The following SELENOO variants were observed in gnomAD, a reference collection of about 807,000 sequenced individuals.
SELENOO encodes selenoprotein O.
SELENOO carries 74 observed loss-of-function variants against 58.7 expected under a neutral mutation model. That is an observed-to-expected ratio of 1.26 (90% CI 1.04 to 1.53). The LOEUF (loss-of-function observed/expected upper bound fraction) is 1.53, where lower values mean the gene tolerates loss of function less well. Among genes scored for constraint, SELENOO ranks in the 40% most tolerant of loss-of-function variants. SELENOO has a pLI of 0.00. For synonymous variants in SELENOO, 543 were observed against 453.2 expected (o/e 1.20, Z -2.52); for missense variants, 1,149 against 970.0 (o/e 1.18, Z -2.45).
At chr22:50,215,189 G>C (rs566969267) in intron 5 of SELENOO, among the ~76,000 whole-genome samples, 48 of 152,312 alleles carry the variant, frequency 3.2e-4, no homozygotes, top group African/African-American at 1.1e-3. Context: ...TTTTGCAGGC[G>C]GGTTACAGCA....
chr22:50,215,488 T>G (rs2064399259), intron 5 of SELENOO, among the ~76,000 whole-genome samples: 1 of 150,804 alleles, frequency 6.6e-6, no homozygotes, highest in South Asian at 2.1e-4. Flanking sequence ...TGGGTCCGTG[T>G]GGCACCTGTG....
intron 3 of SELENOO, chr22:50,209,102 C>T (rs976408593): frequency 1.2e-4 from 21 of 180,590 alleles, no homozygotes; most frequent in Admixed American, 3.5e-4. Context: ...GAGTGCCCAC[C>T]TGGGGTCTGG....
At chr22:50,204,992 G>GA (rs1404874405) in intron 1 of SELENOO, among the ~76,000 whole-genome samples, 1 of 152,266 alleles carries the variant, frequency 6.6e-6, no homozygotes, top group African/African-American at 2.4e-5. Context: ...TGGTCACAGA[G>GA]AGACAAATCC....
intron 3 of SELENOO, 115 bp from the exon 4 acceptor site, chr22:50,210,066 A>C (rs1362571830): frequency 1.6e-6 from 2 of 1,259,616 alleles, no homozygotes; most frequent in Non-Finnish European, 2.2e-6. Context: ...CAGAAACTGC[A>C]GAGTGAGAGC....
In SELENOO at chr22:50,201,440, C is replaced by A; in HGVS notation, c.404C>A (p.Pro135His). 7.2e-7 allele frequency: 1 copy of A among 1,385,648 alleles called. No individual in the cohort carries two copies. Among genetic ancestry groups the A allele is most frequent in the Non-Finnish European group, 9.4e-7 (1 of 1,064,294 alleles). 85.8% of individuals were successfully genotyped at this position (1,385,648 alleles called of 1,614,324 possible). A position where few individuals can be genotyped will look rare whatever the true frequency, so the allele number is the denominator to read the frequency against. The change falls in exon 1 of 9, where the codon CCC becomes CAC. Residue 135 changes from proline to histidine, a missense_variant. Coordinates refer to ENST00000380903, the MANE Select transcript of SELENOO (RefSeq NM_031454.2). ...SGNALLPGAE[P>H]AAHCYCGHQF... ...AACGCGCTCCTGCCGGGCGCCGAGC[C>A]CGCCGCGCACTGCTACTGCGGCCAC...
chr22:50,214,097 A>T (rs2064389861), intron 5 of SELENOO, among the ~76,000 whole-genome samples: 1 of 151,976 alleles, frequency 6.6e-6, no homozygotes, highest in Non-Finnish European at 1.5e-5. Context: ...TTACATTTTT[A>T]TTGATGAATT....
chr22:50,210,640 C>T lies in SELENOO; in HGVS notation c.1080C>T (p.Pro360=), dbSNP rs375399882. 2.2e-5 allele frequency: 36 copies of T among 1,612,750 alleles called. No homozygotes were observed. Among genetic ancestry groups the T allele is most frequent in the Non-Finnish European group, 2.8e-5 (33 of 1,179,840 alleles). The part of the protein sequence containing the change: ...GPFGFLDRYD[P]DHVCNASDNT... ...TTGCCCCGTGTGGCAGGTACGACCC[C>T]GACCACGTGTGCAATGCCTCCGACA... The change falls in exon 5 of 9, where the codon CCC becomes CCT. Residue 360 remains proline, a synonymous_variant. Transcript: ENST00000380903.
Position 50,217,480 on chromosome 22 carries a change from A to G in SELENOO, c.*111A>G. On this transcript the variant is annotated 3_prime_UTR_variant, in exon 9 of 9. Coordinates refer to ENST00000380903, the MANE Select transcript of SELENOO (RefSeq NM_031454.2). ...ACACTGGGGGATTCTGCCCTGGCCC[A>G]TGCACACCCGTCTTTCCATGATGGC... The G allele has an allele frequency of 7.6e-7, 1 of 1,308,648 alleles. No homozygotes were observed. Among genetic ancestry groups the G allele is most frequent in the East Asian group, 2.5e-5 (1 of 39,500 alleles). 81.1% of individuals were successfully genotyped at this position (1,308,648 alleles called of 1,614,324 possible).
intron 1 of SELENOO, among the ~76,000 whole-genome samples, chr22:50,201,946 G>T (rs915901899): frequency 6.6e-6 from 1 of 152,238 alleles, no homozygotes; most frequent in South Asian, 2.1e-4. Context: ...GCCTCGCTCT[G>T]CGACTGACTT....
In SELENOO at chr22:50,217,084, G is replaced by A. The variant is rs1182885266; in HGVS notation, c.1801G>A (p.Ala601Thr). Residue 601 changes from alanine to threonine, a missense_variant, in exon 8 of 9, where the codon GCG becomes ACG. Coordinates refer to ENST00000380903, the MANE Select transcript of SELENOO (RefSeq NM_031454.2). The part of the protein sequence containing the change: ...NPKYVLRNYI[A>T]QNAIEAAERG... ...GAAGTACGTGCTGAGGAACTACATC[G>A]CGCAGAATGCCATCGAGGCTGCCGA... 21 of 1,612,850 alleles carry A rather than the reference G, an allele frequency of 1.3e-5. No homozygotes were observed. Among genetic ancestry groups the A allele is most frequent in the Middle Eastern group, 1.6e-4 (1 of 6,084 alleles).
chr22:50,208,797 CG>C, intron 3 of SELENOO, 81 bp downstream of exon 3: 1 of 1,403,648 alleles, frequency 7.1e-7, no homozygotes. Flanking sequence ...TCATTTTGGC[CG>C]GGGGACAAAG....
intron 1 of SELENOO, among the ~76,000 whole-genome samples, chr22:50,201,906 C>A (rs1241440660): frequency 6.6e-6 from 1 of 152,272 alleles, no homozygotes; most frequent in Admixed American, 6.5e-5. Flanking sequence ...TTCCTCCGAT[C>A]GCTCGTGGGG....
Position 50,217,593 on chromosome 22 carries a change from TAAATA to T in SELENOO, c.*227_*231del. 1.0e-6 allele frequency: 1 copy of T among 1,002,640 alleles called. No homozygotes were observed. The highest frequency in any genetic ancestry group is 1.4e-6 in the Non-Finnish European group (1 of 693,014). The allele number at this position is 1,002,640 out of a possible 1,614,324, so 62.1% of individuals were successfully genotyped here. Reference sequence around the variant, plus strand: ...TCCCTGGGGGCTGGACCCAGGCTCCTAAATAAACCAGCAACTCCCTCGAGTCTGTC... The same window carrying T: ...TCCCTGGGGGCTGGACCCAGGCTCCTAACCAGCAACTCCCTCGAGTCTGTC... On this transcript the variant is annotated 3_prime_UTR_variant, in exon 9 of 9. Transcript: ENST00000380903.
chr22:50,216,545 G>C (rs1602497738), intron 6 of SELENOO, 146 bp from the exon 7 acceptor site: 2 of 723,128 alleles, frequency 2.8e-6, no homozygotes, highest in East Asian at 5.4e-5. Context: ...CCTGCCAGTG[G>C]GGTTCCAGGG....
At chr22:50,202,628 T>C (rs1364224018) in intron 1 of SELENOO, among the ~76,000 whole-genome samples, 1 of 152,234 alleles carries the variant, frequency 6.6e-6, no homozygotes, top group Non-Finnish European at 1.5e-5. Flanking sequence ...GTTTTCATTT[T>C]TGGTGATATT....
At chr22:50,211,678 G>A (rs2064372396) in intron 5 of SELENOO, among the ~76,000 whole-genome samples, 1 of 152,086 alleles carries the variant, frequency 6.6e-6, no homozygotes, top group African/African-American at 2.4e-5. Flanking sequence ...ATTTTACTTG[G>A]TCCTTTTAAT....
rs2064432255 is a variant in SELENOO at position 50,217,529 on chromosome 22, C to G, written c.*160C>G. The G allele has an allele frequency of 9.4e-7, 1 of 1,066,624 alleles. No individual in the cohort carries two copies. Among genetic ancestry groups the G allele is most frequent in the African/African-American group, 1.6e-5 (1 of 62,014 alleles). The allele number at this position is 1,066,624 out of a possible 1,614,324, so 66.1% of individuals were successfully genotyped here. A position where few individuals can be genotyped will look rare whatever the true frequency, so the allele number is the denominator to read the frequency against. On this transcript the variant is annotated 3_prime_UTR_variant, in exon 9 of 9. Coordinates refer to ENST00000380903, the MANE Select transcript of SELENOO (RefSeq NM_031454.2). ...GCAGAGACATCCAGTCAGGACCTGA[C>G]CCGTCTCTGTCTGAGGCCGGCTCAG...
In SELENOO at chr22:50,201,468, A is replaced by G. The variant is rs748864127; in HGVS notation, c.432A>G (p.Gln144=). Reference sequence around the variant, plus strand: ...CCGCGCACTGCTACTGCGGCCACCAATTCGGCCAGTTCGCCGGGCAGCTGG... The same window carrying G: ...CCGCGCACTGCTACTGCGGCCACCAGTTCGGCCAGTTCGCCGGGCAGCTGG... ...EPAAHCYCGH[Q]FGQFAGQLGD... Residue 144 remains glutamine (Q), a synonymous_variant, in exon 1 of 9, where the codon CAA becomes CAG. Coordinates refer to ENST00000380903, the MANE Select transcript of SELENOO (RefSeq NM_031454.2). 22 of 1,422,426 alleles carry G rather than the reference A, an allele frequency of 1.5e-5. No individual in the cohort carries two copies. The highest frequency in any genetic ancestry group is 1.1e-4 in the South Asian group (8 of 73,040). The allele number at this position is 1,422,426 out of a possible 1,614,324, so 88.1% of individuals were successfully genotyped here. A position where few individuals can be genotyped will look rare whatever the true frequency, so the allele number is the denominator to read the frequency against.
intron 2 of SELENOO, 96 bp downstream of exon 2, chr22:50,206,616 C>G: frequency 8.8e-7 from 1 of 1,131,806 alleles, no homozygotes; most frequent in Non-Finnish European, 1.3e-6. Flanking sequence ...GAAACAAACC[C>G]AGATGACCGC....
Sources: gnomAD v4.1 joint callset for allele counts (sites outside exome capture counted in the v4.1 genomes callset) on GRCh38, gnomAD v4.1.1 for gene constraint, MANE v1.5 for transcripts, NCBI Gene and HGNC (gene_info 2026-07-23, HGNC 2026-07-21) for gene names.